MTX2: variants seen among roughly 807,000 people sequenced by gnomAD.
MTX2 encodes the protein metaxin-2.
In MTX2, 35 loss-of-function variants were observed where a neutral mutation model predicts 42.3. The observed-to-expected ratio is 0.83, with a 90% CI of 0.63 to 1.10. The LOEUF is 1.10. Among genes scored for constraint, MTX2 ranks in the 50% least tolerant of loss-of-function variants. The pLI is 0.00. For missense variants in MTX2, 307 were observed against 304.1 expected (o/e 1.01, Z -0.07); for synonymous variants, 119 against 100.9 (o/e 1.18, Z -1.08).
chr2:176,326,528 GCTA>G (rs1191229217), intron 4 of MTX2, among the ~76,000 whole-genome samples: 1 of 151,630 alleles, frequency 6.6e-6, no homozygotes, highest in Non-Finnish European at 1.5e-5. Context: ...AGTGTTTGCT[GCTA>G]TATGGTGATA....
At chr2:176,321,564 T>C (rs1249146207) in intron 3 of MTX2, among the ~76,000 whole-genome samples, 2 of 152,172 alleles carry the variant, frequency 1.3e-5, no homozygotes, top group African/African-American at 4.8e-5. Context: ...CCTGGGCCCC[T>C]TTACTCTTGT....
intron 3 of MTX2, among the ~76,000 whole-genome samples, chr2:176,322,445 G>C (rs758453246): frequency 6.6e-6 from 1 of 152,036 alleles, no homozygotes; most frequent in Non-Finnish European, 1.5e-5. Flanking sequence ...CAATTTGTAT[G>C]TGGTAATTAG....
chr2:176,296,903 G>A lies in MTX2; in HGVS notation c.84G>A (p.Leu28=). 3 of 1,612,908 alleles carry A rather than the reference G, an allele frequency of 1.9e-6. No homozygotes were observed. The highest frequency in any genetic ancestry group is 2.5e-6 in the Non-Finnish European group (3 of 1,179,130). Reference sequence around the variant, plus strand: ...AAAATGCTACATTATATCAGCAATTGAAAGGTAAGTCTTGTTCACAATTAA... The same window carrying A: ...AAAATGCTACATTATATCAGCAATTAAAAGGTAAGTCTTGTTCACAATTAA... ...WPENATLYQQ[L]KGEQILLSDN... The change falls in exon 2 of 10, where the codon TTG becomes TTA. Residue 28 remains leucine (L), a synonymous_variant. Coordinates refer to ENST00000249442, the MANE Select transcript of MTX2 (RefSeq NM_006554.5).
At chr2:176,279,021 C>G (rs1400580041) in intron 1 of MTX2, among the ~76,000 whole-genome samples, 2 of 152,088 alleles carry the variant, frequency 1.3e-5, no homozygotes, top group Non-Finnish European at 2.9e-5. Context: ...TTCATAAAAG[C>G]AATCATTTTG....
chr2:176,337,458 C>G, intron 9 of MTX2, 35 bp from the exon 10 acceptor site: 1 of 1,512,986 alleles, frequency 6.6e-7, no homozygotes, highest in Non-Finnish European at 8.9e-7. Context: ...AAGTTAAATG[C>G]TACTTACTCA....
intron 9 of MTX2, among the ~76,000 whole-genome samples, chr2:176,336,068 G>T (rs1684980656): frequency 6.6e-6 from 1 of 152,026 alleles, no homozygotes; most frequent in Non-Finnish European, 1.5e-5. Context: ...AATTTATTCT[G>T]CCAAACCAGA....
At chr2:176,269,713 C>T (rs1428299708) in intron 1 of MTX2, 44 bp downstream of exon 1, 5 of 1,565,894 alleles carry the variant, frequency 3.2e-6, no homozygotes, top group Non-Finnish European at 4.3e-6. Context: ...GGCGCGGTCT[C>T]GGGGAGCCGC....
rs925344022 is a variant in MTX2 at position 176,292,531 on chromosome 2, CA to C, written c.41-4328del. Among the ~76,000 whole-genome samples, 41 of 151,736 alleles carry C rather than the reference CA, an allele frequency of 2.7e-4. 2 individuals carry two copies. The highest frequency in any genetic ancestry group is 9.2e-4 in the African/African-American group (38 of 41,370). On this transcript the variant is annotated intron_variant, in intron 1 of 9. Transcript: ENST00000249442. ...AGAAGTTGTCTTTTTTTGTCTTTTACATAATAGGTATTCCCAAACCAACAAA... is the reference window on the plus strand; with the variant it reads ...AGAAGTTGTCTTTTTTTGTCTTTTACTAATAGGTATTCCCAAACCAACAAA...
chr2:176,321,117 A>C (rs1684574089), intron 3 of MTX2, among the ~76,000 whole-genome samples: 1 of 152,012 alleles, frequency 6.6e-6, no homozygotes, highest in Non-Finnish European at 1.5e-5. Context: ...AATAGAAGGG[A>C]GGCAACTCTT....
chr2:176,269,471 G>A lies in MTX2; in HGVS notation c.-159G>A, dbSNP rs1284009392. On this transcript the variant is annotated 5_prime_UTR_variant, in exon 1 of 10. Coordinates refer to ENST00000249442, the MANE Select transcript of MTX2 (RefSeq NM_006554.5). ...CTAGCCAGGCCTGGCGGTAACCTTG[G>A]GGGCCTCACTGCAGCCGCCGCTGCT... 1.1e-5 allele frequency: 8 copies of A among 756,246 alleles called. No homozygotes were observed. The highest frequency in any genetic ancestry group is 1.9e-5 in the African/African-American group (1 of 53,796). The allele number at this position is 756,246 out of a possible 1,614,324, so 46.8% of individuals were successfully genotyped here. A position where few individuals can be genotyped will look rare whatever the true frequency, so the allele number is the denominator to read the frequency against.
chr2:176,307,107 G>C (rs1289082629), intron 3 of MTX2, among the ~76,000 whole-genome samples: 1 of 152,176 alleles, frequency 6.6e-6, no homozygotes, highest in Non-Finnish European at 1.5e-5. Flanking sequence ...AAGGGATCCA[G>C]TTTCAGCTTT....
At chr2:176,331,361 T>A (rs1684858840) in intron 9 of MTX2, among the ~76,000 whole-genome samples, 5 of 151,058 alleles carry the variant, frequency 3.3e-5, no homozygotes, top group African/African-American at 1.2e-4. Flanking sequence ...AGCATTTTAA[T>A]CTCAAAACTT....
Position 176,326,866 on chromosome 2 carries a change from G to T in MTX2, c.250G>T (p.Glu84Ter). 2 of 1,576,472 alleles carry T rather than the reference G, an allele frequency of 1.3e-6. No homozygotes were observed. Among genetic ancestry groups the T allele is most frequent in the South Asian group, 2.3e-5 (2 of 85,780 alleles). ...FIHVGNQVVS[E>*]LGPIVQFVKA... ...TCATGTGGGAAATCAAGTAGTATCA[G>T]AACTTGGTCCAATAGTCCAATTTGT... The change falls in exon 5 of 10, where the codon GAA becomes TAA. Residue 84 changes from glutamate to a stop codon, truncating the protein, a stop_gained. Transcript: ENST00000249442. LOFTEE classifies it high-confidence loss of function.
chr2:176,332,474 G>A (rs1442885131), intron 9 of MTX2, among the ~76,000 whole-genome samples: 1 of 151,308 alleles, frequency 6.6e-6, no homozygotes, highest in African/African-American at 2.4e-5. Flanking sequence ...GTGTATGCCA[G>A]TCCTAAAATT....
At chr2:176,294,091 TTGAG>T (rs1420277018) in intron 1 of MTX2, among the ~76,000 whole-genome samples, 2 of 152,170 alleles carry the variant, frequency 1.3e-5, no homozygotes, top group African/African-American at 4.8e-5. Flanking sequence ...ATGTCTTAGA[TTGAG>T]TGAAATATTC....
chr2:176,310,952 G>T (rs1684289399), intron 3 of MTX2, among the ~76,000 whole-genome samples: 1 of 152,186 alleles, frequency 6.6e-6, no homozygotes, highest in African/African-American at 2.4e-5. Context: ...CTGGCGAGGA[G>T]CTGCTATCCT....
chr2:176,312,519 A>G (rs1575052313), intron 3 of MTX2, among the ~76,000 whole-genome samples: 1 of 152,286 alleles, frequency 6.6e-6, no homozygotes, highest in African/African-American at 2.4e-5. Context: ...AGATGATATT[A>G]TGTAATTATA....
intron 4 of MTX2, among the ~76,000 whole-genome samples, chr2:176,325,149 G>A (rs545200744): frequency 9.9e-5 from 15 of 151,784 alleles, no homozygotes; most frequent in African/African-American, 3.6e-4. Flanking sequence ...TGACATCCAA[G>A]GTCCTATTTC....
chr2:176,284,861 A>G, intron 1 of MTX2, among the ~76,000 whole-genome samples: 1 of 152,210 alleles, frequency 6.6e-6, no homozygotes, highest in East Asian at 1.9e-4. Flanking sequence ...TGTGGTGTTC[A>G]CAGACCATCT....
Sources: gnomAD v4.1 joint callset for allele counts (sites outside exome capture counted in the v4.1 genomes callset) on GRCh38, gnomAD v4.1.1 for gene constraint, MANE v1.5 for transcripts, NCBI Gene and HGNC (gene_info 2026-07-23, HGNC 2026-07-21) for gene names.